CSMD2: variants seen among roughly 807,000 people sequenced by gnomAD.
CSMD2 encodes CUB and Sushi multiple domains 2.
CSMD2 carries 130 observed loss-of-function variants against 398.5 expected under a neutral mutation model. That is an observed-to-expected ratio of 0.33 (90% CI 0.28 to 0.38). The LOEUF is 0.38. Among genes scored for constraint, CSMD2 ranks in the 10% least tolerant of loss-of-function variants. The probability of loss-of-function intolerance (pLI) is 1.00; values close to 1 mark genes in which losing one functional copy is unlikely to be tolerated. For synonymous variants in CSMD2, 1,828 were observed against 1,908.5 expected (o/e 0.96, Z 1.10); for missense variants, 3,829 against 4,764.9 (o/e 0.80, Z 5.78).
At chr1:33,705,569 T>A (rs1242033247) in intron 22 of CSMD2, among the ~76,000 whole-genome samples, 2 of 152,160 alleles carry the variant, frequency 1.3e-5, no homozygotes, top group South Asian at 4.1e-4. Flanking sequence ...TAAGCTTACC[T>A]GTAAAATAGT....
chr1:33,958,361 C>T (rs1645238201), intron 3 of CSMD2, among the ~76,000 whole-genome samples: 1 of 152,156 alleles, frequency 6.6e-6, no homozygotes, highest in African/African-American at 2.4e-5. Context: ...TTCTGAAATG[C>T]CCCTCAGCAT....
intron 2 of CSMD2, among the ~76,000 whole-genome samples, chr1:34,048,050 T>C (rs892082165): frequency 6.6e-6 from 1 of 152,208 alleles, no homozygotes; most frequent in Admixed American, 6.5e-5. Context: ...TGGTCTTCCA[T>C]GACAGAGACT....
intron 55 of CSMD2, among the ~76,000 whole-genome samples, chr1:33,550,795 GC>G (rs1657374254): frequency 1.3e-5 from 2 of 152,288 alleles, no homozygotes; most frequent in South Asian, 4.2e-4. Context: ...TCTTACAGTT[GC>G]CTCATCAGTT....
intron 3 of CSMD2, among the ~76,000 whole-genome samples, chr1:33,978,772 C>T (rs191120375): frequency 9.2e-5 from 14 of 152,324 alleles, no homozygotes; most frequent in Non-Finnish European, 1.6e-4. Flanking sequence ...GACCCCGCTG[C>T]ATCTTCATCC....
intron 7 of CSMD2, among the ~76,000 whole-genome samples, chr1:33,823,765 G>A (rs1014987827): frequency 3.3e-5 from 5 of 152,148 alleles, no homozygotes; most frequent in African/African-American, 1.2e-4. Flanking sequence ...TTCTTTCTGA[G>A]GAACTCTTAG....
intron 64 of CSMD2, among the ~76,000 whole-genome samples, chr1:33,529,670 T>C (rs567570951): frequency 6.6e-6 from 1 of 152,262 alleles, no homozygotes; most frequent in East Asian, 1.9e-4. Context: ...GAAGTAAAAC[T>C]AGAAAACTCT....
upstream of CSMD2, chr1:34,165,370 C>G: frequency 8.3e-7 from 1 of 1,209,420 alleles, no homozygotes; most frequent in Non-Finnish European, 1.0e-6. Flanking sequence ...AGCCGCTTCT[C>G]CGCCGCTCCA....
At chr1:33,862,377 G>T (rs1378151304) in intron 5 of CSMD2, 1 of 151,588 alleles carries the variant, frequency 6.6e-6, no homozygotes, top group South Asian at 2.1e-4. Flanking sequence ...GTGTGTGTGT[G>T]TGTGTGTGTG....
chr1:34,097,181 A>T (rs1173738913), intron 1 of CSMD2, among the ~76,000 whole-genome samples: 1 of 150,066 alleles, frequency 6.7e-6, no homozygotes, highest in African/African-American at 2.5e-5. Flanking sequence ...CTATTTAATA[A>T]ATGGTGCTGG....
rs527700214 is a variant in CSMD2, at chr1:33,821,018, C to T, written c.1112-462G>A. On this transcript the variant is annotated intron_variant, in intron 7 of 70. Transcript: ENST00000373381. The stretch of plus-strand genomic sequence containing the variant: ...TAAAAGGTGGGTGCATGATCAGAAA[C>T]GGTAAAGAATGTAAGAGAAAGCTGC... Among the ~76,000 whole-genome samples, 23 of 152,272 alleles carry T rather than the reference C, an allele frequency of 1.5e-4. No individual in the cohort carries two copies. In the South Asian group the frequency reaches 2.5e-3, roughly 16 times the overall value.
chr1:33,738,362 C>T (rs1646948392), intron 15 of CSMD2, among the ~76,000 whole-genome samples: 1 of 152,138 alleles, frequency 6.6e-6, no homozygotes, highest in Non-Finnish European at 1.5e-5. Flanking sequence ...GCACCTATTC[C>T]GTGCCAGGTA....
rs776865731 is a variant in CSMD2, at chr1:33,614,489, G to C, written c.6133+15C>G. The C allele has an allele frequency of 1.4e-6, 2 of 1,402,920 alleles. No homozygotes were observed. Among genetic ancestry groups the C allele is most frequent in the Admixed American group, 3.4e-5 (2 of 59,638 alleles). 86.9% of individuals were successfully genotyped at this position (1,402,920 alleles called of 1,614,324 possible). A position where few individuals can be genotyped will look rare whatever the true frequency, so the allele number is the denominator to read the frequency against. On this transcript the variant is annotated intron_variant, in intron 40 of 70. Transcript: ENST00000373381. The stretch of plus-strand genomic sequence containing the variant: ...GGCTTGAAGCCTGTCTCCTCTGGGG[G>C]CTGCAGAGACTTACCAAAGCCCACG...
At chr1:33,554,028 C>T (rs146391558) in intron 55 of CSMD2, among the ~76,000 whole-genome samples, 6 of 151,970 alleles carry the variant, frequency 3.9e-5, no homozygotes, top group Non-Finnish European at 5.9e-5. Context: ...TGGCTTATGA[C>T]GTTTAAGGAA....
chr1:34,072,628 G>C lies in CSMD2; in HGVS notation c.404+16349C>G, dbSNP rs749844865. 5.8e-4 allele frequency among the ~76,000 whole-genome samples: 88 copies of C among 152,140 alleles called. 1 individual carries two copies. Among genetic ancestry groups the C allele is most frequent in the Non-Finnish European group, 1.1e-3 (74 of 68,014 alleles). On this transcript the variant is annotated intron_variant, in intron 2 of 70. Transcript: ENST00000373381. Reference sequence around the variant, plus strand: ...TTGGACTGAGACTCTGGCTCCAGGGGGTGTTAAATTTTGGCTGCTATTAAA... The same window carrying C: ...TTGGACTGAGACTCTGGCTCCAGGGCGTGTTAAATTTTGGCTGCTATTAAA...
intron 4 of CSMD2, among the ~76,000 whole-genome samples, chr1:33,933,014 C>T (rs1644361156): frequency 6.6e-6 from 1 of 152,212 alleles, no homozygotes; most frequent in Admixed American, 6.5e-5. Flanking sequence ...CAGGGAGAAG[C>T]TTCCCGGGAG....
intron 10 of CSMD2, among the ~76,000 whole-genome samples, chr1:33,793,642 T>C (rs1557903847): frequency 3.3e-5 from 5 of 151,974 alleles, no homozygotes; most frequent in South Asian, 4.2e-4. Flanking sequence ...CAGGGACGCA[T>C]AGGTGTTTGA....
At chr1:34,051,510 T>C (rs1262571004) in intron 2 of CSMD2, among the ~76,000 whole-genome samples, 1 of 152,190 alleles carries the variant, frequency 6.6e-6, no homozygotes, top group Non-Finnish European at 1.5e-5. Flanking sequence ...CACATACATA[T>C]ATATTAAGTA....
At chr1:34,159,356 G>A (rs1345342860) in intron 1 of CSMD2, among the ~76,000 whole-genome samples, 3 of 149,818 alleles carry the variant, frequency 2.0e-5, no homozygotes, top group South Asian at 2.1e-4. Context: ...AGCTTGTGGT[G>A]GAAAGGAATG....
intron 12 of CSMD2, among the ~76,000 whole-genome samples, chr1:33,774,411 C>T (rs1651701945): frequency 6.6e-6 from 1 of 152,028 alleles, no homozygotes; most frequent in African/African-American, 2.4e-5. Flanking sequence ...TGCTACAGGT[C>T]CCAGAGCTCC....
Sources: gnomAD v4.1 joint callset for allele counts (sites outside exome capture counted in the v4.1 genomes callset) on GRCh38, gnomAD v4.1.1 for gene constraint, MANE v1.5 for transcripts, NCBI Gene and HGNC (gene_info 2026-07-23, HGNC 2026-07-21) for gene names.